Variants in SVOP observed in about 807,000 individuals in gnomAD.
SVOP encodes the protein synaptic vesicle 2-related protein.
A neutral mutation model predicts 69.1 loss-of-function variants in SVOP; 17 were observed. The observed-to-expected ratio is 0.25, with a 90% confidence interval of 0.17 to 0.37. The LOEUF is 0.37. SVOP is among the 10% of genes least tolerant of loss of function. The pLI, the probability that SVOP is intolerant of heterozygous loss-of-function variation, is 1.00. For synonymous variants in SVOP, 238 were observed against 238.6 expected, an observed-to-expected ratio of 1.00 and a Z score of 0.02; for missense variants, 435 against 597.5, an observed-to-expected ratio of 0.73 and a Z score of 2.84.
At chr12:108,938,985 G>A (rs181077597) in intron 8 of SVOP, 30 bp from the exon 9 acceptor site, 595 of 1,613,676 alleles carry the variant, frequency 3.7e-4, no homozygotes, top group African/African-American at 3.0e-3. Context: ...AAACCCAGGC[G>A]TGGCTGGTTA....
intron 1 of SVOP, among the ~76,000 whole-genome samples, chr12:108,990,104 T>C (rs537792193): frequency 3.9e-5 from 6 of 152,158 alleles, no homozygotes; most frequent in Non-Finnish European, 7.3e-5. Flanking sequence ...TCCTAATCAC[T>C]GGGCGTCAGG....
rs531984138 is a variant in SVOP, at chr12:108,974,663, G to A, written c.382-2187C>T. On this transcript the variant is annotated intron_variant, in intron 4 of 15. Transcript: ENST00000610966. The stretch of plus-strand genomic sequence containing the variant: ...GGAGGATGGCTTGAACTTAGAAGGC[G>A]AAGGTTGCAGTGAGACAAAATCACG... 1.6e-3 allele frequency among the ~76,000 whole-genome samples: 237 copies of A among 151,626 alleles called. 1 individual carries two copies. The highest frequency in any genetic ancestry group is 5.2e-3 in the African/African-American group (214 of 41,300).
chr12:108,933,975 C>T (rs1424484302), intron 11 of SVOP, among the ~76,000 whole-genome samples: 1 of 152,174 alleles, frequency 6.6e-6, no homozygotes, highest in African/African-American at 2.4e-5. Flanking sequence ...TTTAACAGTG[C>T]GAACTTCAGA....
intron 8 of SVOP, 43 bp from the exon 9 acceptor site, chr12:108,938,998 G>A: frequency 6.2e-7 from 1 of 1,613,270 alleles, no homozygotes; most frequent in Non-Finnish European, 8.5e-7. Context: ...GCTGGTTAGG[G>A]TGGAACAGAG....
intron 1 of SVOP, among the ~76,000 whole-genome samples, chr12:108,984,302 G>A (rs1343753490): frequency 1.3e-5 from 2 of 152,188 alleles, no homozygotes; most frequent in Non-Finnish European, 2.9e-5. Flanking sequence ...ACAGGTGTGA[G>A]CTACCACGCC....
chr12:108,912,461 C>T lies in SVOP; in HGVS notation c.*74G>A. The stretch of plus-strand genomic sequence containing the variant: ...AGTTCTTGATGTCGGCAGTGACAAT[C>T]AGTGCCCCAGTTGGGGCCTGCCAGC... On this transcript the variant is annotated 3_prime_UTR_variant, in exon 16 of 16. Transcript: ENST00000610966. 4 of 1,597,742 alleles carry T rather than the reference C, an allele frequency of 2.5e-6. No individual in the cohort carries two copies. Among genetic ancestry groups the T allele is most frequent in the Non-Finnish European group, 3.4e-6 (4 of 1,169,262 alleles).
At chr12:108,917,544 C>T (rs949586061) in intron 14 of SVOP, among the ~76,000 whole-genome samples, 1 of 128,354 alleles carries the variant, frequency 7.8e-6, no homozygotes, top group Non-Finnish European at 1.7e-5. Context: ...AAGTAAAATA[C>T]ATAAATGGTA....
At chr12:108,968,392 T>C (rs1408530701) in intron 5 of SVOP, among the ~76,000 whole-genome samples, 1 of 152,180 alleles carries the variant, frequency 6.6e-6, no homozygotes. Context: ...TTCTGACTCC[T>C]CAAATCCATG....
In SVOP at chr12:108,922,723, C is replaced by T; in HGVS notation, c.1123G>A (p.Asp375Asn). 1 of 1,611,324 alleles carries T rather than the reference C, an allele frequency of 6.2e-7. No individual in the cohort carries two copies. Among genetic ancestry groups the T allele is most frequent in the Non-Finnish European group, 8.5e-7 (1 of 1,179,036 alleles). ...TCAGAGAGGGTGGTCCACAGCAAGT[C>T]CATGTAATCCTCCTCACTCAGGTAC... ...CEYLSEEDYM[D>N]LLWTTLSEFP... The change falls in exon 12 of 16, where the codon GAC becomes AAC. Residue 375 changes from aspartate (D) to asparagine (N), a missense_variant. Physicochemically the swap from Asp to Asn is conservative, Grantham distance 23. Transcript: ENST00000610966.
chr12:108,961,282 G>A (rs2040016625), intron 5 of SVOP, among the ~76,000 whole-genome samples: 1 of 152,118 alleles, frequency 6.6e-6, no homozygotes, highest in Admixed American at 6.5e-5. Flanking sequence ...GGCCAGATAT[G>A]TCAGATATTC....
chr12:108,964,594 G>C (rs1469325240), intron 5 of SVOP, among the ~76,000 whole-genome samples: 1 of 152,092 alleles, frequency 6.6e-6, no homozygotes, highest in Non-Finnish European at 1.5e-5. Flanking sequence ...GGGCTTTCCA[G>C]CTGCCCCAAA....
chr12:108,956,153 T>A (rs1410411756), intron 6 of SVOP, among the ~76,000 whole-genome samples: 2 of 139,406 alleles, frequency 1.4e-5, no homozygotes, highest in African/African-American at 5.0e-5. Flanking sequence ...ACAAAAAAAA[T>A]TAGCTGGGCG....
At chr12:108,936,676 G>A (rs1378245843) in intron 10 of SVOP, among the ~76,000 whole-genome samples, 3 of 152,166 alleles carry the variant, frequency 2.0e-5, no homozygotes, top group Non-Finnish European at 4.4e-5. Context: ...GGGTTTTACC[G>A]TGTTGCCCAG....
rs2040153455 is a variant in SVOP at position 108,983,587 on chromosome 12, C to A, written c.196+14G>T. 5.0e-6 allele frequency: 2 copies of A among 398,864 alleles called. No individual in the cohort carries two copies. The highest frequency in any genetic ancestry group is 8.8e-6 in the Non-Finnish European group (2 of 226,242). The allele number at this position is 398,864 out of a possible 1,614,324, so 24.7% of individuals were successfully genotyped here. A position where few individuals can be genotyped will look rare whatever the true frequency, so the allele number is the denominator to read the frequency against. Reference sequence around the variant, plus strand: ...GTGGCCCAGGCTGATTCCCCAACTGCAGGGCCCTCTCACCATCAGTGGGAT... The same window carrying A: ...GTGGCCCAGGCTGATTCCCCAACTGAAGGGCCCTCTCACCATCAGTGGGAT... On this transcript the variant is annotated intron_variant, in intron 2 of 15. Transcript: ENST00000610966.
chr12:108,935,142 A>G (rs2137401653), intron 10 of SVOP, among the ~76,000 whole-genome samples: 1 of 152,344 alleles, frequency 6.6e-6, no homozygotes, highest in African/African-American at 2.4e-5. Context: ...GGAAGAAAAC[A>G]GCCCCATTAA....
intron 6 of SVOP, among the ~76,000 whole-genome samples, chr12:108,955,448 C>A (rs913300962): frequency 6.6e-6 from 1 of 152,212 alleles, no homozygotes; most frequent in Non-Finnish European, 1.5e-5. Flanking sequence ...ATAGCCTTTC[C>A]TTCAAGCTCC....
intron 1 of SVOP, among the ~76,000 whole-genome samples, chr12:109,016,419 A>C (rs962660289): frequency 1.3e-5 from 2 of 152,226 alleles, no homozygotes; most frequent in Admixed American, 6.5e-5. Context: ...CAGTAGATTC[A>C]GCAAATGCAG....
intron 10 of SVOP, among the ~76,000 whole-genome samples, 167 bp from the exon 11 acceptor site, chr12:108,934,438 A>G (rs780577143): frequency 1.3e-5 from 2 of 152,174 alleles, no homozygotes; most frequent in Non-Finnish European, 2.9e-5. Flanking sequence ...GATGGTAGGT[A>G]AAAAAGCATC....
At position 108,910,668 on chromosome 12, in the gene SVOP, T is replaced by C. The variant is rs1397848740; in HGVS notation, c.*1867A>G. 1 of 151,960 alleles carries C rather than the reference T, an allele frequency of 6.6e-6. No homozygotes were observed. The highest frequency in any genetic ancestry group is 2.4e-5 in the African/African-American group (1 of 41,352). The allele number at this position is 151,960 out of a possible 1,614,324, so 9.4% of individuals were successfully genotyped here. A position where few individuals can be genotyped will look rare whatever the true frequency, so the allele number is the denominator to read the frequency against. ...GATTTAGAACTTGAGCTGGAAGAAG[T>C]CCCCCATCATGACCTGCACACCATT... On this transcript the variant is annotated 3_prime_UTR_variant, in exon 16 of 16. Transcript: ENST00000610966.
Sources: gnomAD v4.1 joint callset for allele counts (sites outside exome capture counted in the v4.1 genomes callset) on GRCh38, gnomAD v4.1.1 for gene constraint, MANE v1.5 for transcripts, NCBI Gene and HGNC (gene_info 2026-07-23, HGNC 2026-07-21) for gene names.